The following PXDN variants were observed in gnomAD, a reference collection of about 807,000 sequenced individuals.
PXDN encodes the protein peroxidasin.
Under a neutral mutation model 140.3 loss-of-function variants are expected in PXDN, and 77 were observed. That is an observed-to-expected ratio of 0.55 (90% CI 0.46 to 0.66). PXDN has a LOEUF of 0.66. PXDN is among the 30% of genes least tolerant of loss of function. The pLI is 0.00. For missense variants in PXDN, 1,838 were observed against 2,039.5 expected (o/e 0.90, Z 1.90); for synonymous variants, 911 against 857.4 (o/e 1.06, Z -1.09).
At chr2:1,744,685 C>T, upstream of PXDN, 1 of 338,014 alleles carries the variant, frequency 3.0e-6, no homozygotes, top group East Asian at 5.1e-5. Context: ...TGGGGCGGCC[C>T]GCATGGCCAA....
chr2:1,681,411 G>A (rs1050591826), intron 6 of PXDN, among the ~76,000 whole-genome samples: 3 of 151,712 alleles, frequency 2.0e-5, no homozygotes, highest in Non-Finnish European at 2.9e-5. Context: ...CCCATCTTTC[G>A]CTGAACTAGG....
chr2:1,738,535 G>A lies in PXDN; in HGVS notation c.200+5721C>T, dbSNP rs139461490. On this transcript the variant is annotated intron_variant, in intron 1 of 22. Transcript: ENST00000252804. The stretch of plus-strand genomic sequence containing the variant: ...ATAAGCCAATGGGAATCAGCATAAT[G>A]CAAGTTGATCTTCAAACTTTTTTTT... Among the ~76,000 whole-genome samples the A allele has an allele frequency of 6.6e-3, 978 of 147,948 alleles. 8 individuals are homozygous for A. Among genetic ancestry groups the A allele is most frequent in the African/African-American group, 0.023 (929 of 40,294 alleles).
intron 1 of PXDN, among the ~76,000 whole-genome samples, chr2:1,707,656 C>T (rs1006013544): frequency 1.3e-5 from 2 of 152,114 alleles, no homozygotes; most frequent in Admixed American, 6.6e-5. Flanking sequence ...CTGTCAAAGA[C>T]GCAATAACTA....
At chr2:1,676,319 T>A (rs1432957489) in intron 8 of PXDN, 1 of 153,444 alleles carries the variant, frequency 6.5e-6, no homozygotes, top group East Asian at 1.9e-4. Context: ...TGGTCAGCGG[T>A]AGGACTTCCC....
At chr2:1,737,447 A>G (rs1451752702) in intron 1 of PXDN, among the ~76,000 whole-genome samples, 4 of 152,200 alleles carry the variant, frequency 2.6e-5, no homozygotes, top group Non-Finnish European at 5.9e-5. Flanking sequence ...TTGCATGAGT[A>G]ATCATTCCAC....
rs1683279564 is a variant in PXDN, at chr2:1,660,552, G to C, written c.1837+329C>G. Among the ~76,000 whole-genome samples, 1 of 152,220 alleles carries C rather than the reference G, an allele frequency of 6.6e-6. No individual in the cohort carries two copies. The highest frequency in any genetic ancestry group is 1.5e-5 in the Non-Finnish European group (1 of 68,040). On this transcript the variant is annotated intron_variant, in intron 14 of 22. Transcript: ENST00000252804. This position sits in a 1 kb window ranked among gnomAD's most constrained non-coding sequence, Gnocchi z 4.6. Reference sequence around the variant, plus strand: ...AAATTGTAACTGTAAATTACACCTGGTCATTTCTGGACAGATGTGGATGAC... The same window carrying C: ...AAATTGTAACTGTAAATTACACCTGCTCATTTCTGGACAGATGTGGATGAC...
At position 1,676,693 on chromosome 2, in the gene PXDN, C is replaced by A; in HGVS notation, c.848+234G>T. On this transcript the variant is annotated intron_variant, in intron 8 of 22. Transcript: ENST00000252804. ...AGTGACGCGTTGCCCAGCCAGGGCACCCCTGTGCTGCCCAGGAGAGAGTGG... is the reference window on the plus strand; with the variant it reads ...AGTGACGCGTTGCCCAGCCAGGGCAACCCTGTGCTGCCCAGGAGAGAGTGG... 3.5e-6 allele frequency: 2 copies of A among 569,098 alleles called. 1 individual carries two copies. The highest frequency in any genetic ancestry group is 4.3e-5 in the South Asian group (2 of 45,980). 35.3% of individuals were successfully genotyped at this position (569,098 alleles called of 1,614,324 possible).
At position 1,685,143 on chromosome 2, in the gene PXDN, G is replaced by A. The variant is rs549339943; in HGVS notation, c.417-992C>T. Among the ~76,000 whole-genome samples, 132 of 152,320 alleles carry A rather than the reference G, an allele frequency of 8.7e-4. 1 individual carries two copies. Among genetic ancestry groups the A allele is most frequent in the East Asian group, 3.3e-3 (17 of 5,174 alleles). ...CGGCTGCCAGGGCCCGCCCCGTCCC[G>A]GGGCCAGCTCCCCAGGCAGCACCCA... On this transcript the variant is annotated intron_variant, in intron 4 of 22. Coordinates refer to ENST00000252804, the MANE Select transcript of PXDN (RefSeq NM_012293.3). This position sits in a 1 kb window ranked among gnomAD's most constrained non-coding sequence, Gnocchi z 5.1.
chr2:1,666,098 G>A (rs1683428073), intron 10 of PXDN, 116 bp downstream of exon 10: 4 of 1,373,342 alleles, frequency 2.9e-6, no homozygotes. Flanking sequence ...AATCAACCGA[G>A]TGAAGTGGAC....
intron 1 of PXDN, among the ~76,000 whole-genome samples, chr2:1,704,736 T>G (rs181223199): frequency 6.6e-6 from 1 of 151,958 alleles, no homozygotes; most frequent in East Asian, 2.0e-4. Flanking sequence ...TGCACTGTCT[T>G]GAGTTTCTGA....
Position 1,633,183 on chromosome 2 carries a change from T to TG in PXDN, c.*1020_*1021insC, listed in dbSNP as rs1367482387. 1 of 151,142 alleles carries TG rather than the reference T, an allele frequency of 6.6e-6. No homozygotes were observed. The highest frequency in any genetic ancestry group is 1.5e-5 in the Non-Finnish European group (1 of 67,778). 9.4% of individuals were successfully genotyped at this position (151,142 alleles called of 1,614,324 possible). Reference sequence around the variant, plus strand: ...TAGGGATTCTTTTTTTTTTTTTTTTTTAACGCACTCACACAACCTGAAGTT... The same window carrying TG: ...TAGGGATTCTTTTTTTTTTTTTTTTTGTAACGCACTCACACAACCTGAAGTT... On this transcript the variant is annotated 3_prime_UTR_variant, in exon 23 of 23. Transcript: ENST00000252804.
At chr2:1,725,449 C>T (rs917871667) in intron 1 of PXDN, among the ~76,000 whole-genome samples, 7 of 151,768 alleles carry the variant, frequency 4.6e-5, no homozygotes, top group Non-Finnish European at 7.4e-5. Flanking sequence ...AAGACTTAAA[C>T]GTTAGACCTA....
chr2:1,742,181 G>T (rs767516316), intron 1 of PXDN, among the ~76,000 whole-genome samples: 2 of 152,178 alleles, frequency 1.3e-5, no homozygotes, highest in African/African-American at 2.4e-5. Flanking sequence ...CAGGAGCTGC[G>T]CTTCTCTCCC....
At position 1,683,746 on chromosome 2, in the gene PXDN, TAACA is replaced by T. The variant is rs1558507430; in HGVS notation, c.489-23_489-20del. On this transcript the variant is annotated intron_variant, in intron 5 of 22. Transcript: ENST00000252804. ...CAAAAATCTGTTGAAAGAGATTTTATAACAAACCAATTTTGAAAAATATTTCTTA... is the reference window on the plus strand; with the variant it reads ...CAAAAATCTGTTGAAAGAGATTTTATAACCAATTTTGAAAAATATTTCTTA... 1 of 1,565,780 alleles carries T rather than the reference TAACA, an allele frequency of 6.4e-7. No individual in the cohort carries two copies.
intron 1 of PXDN, among the ~76,000 whole-genome samples, chr2:1,715,814 C>T (rs954313038): frequency 6.6e-6 from 1 of 152,234 alleles, no homozygotes; most frequent in Non-Finnish European, 1.5e-5. Flanking sequence ...ATCTTCCATA[C>T]TCAGGGTTAA....
At chr2:1,706,241 G>T (rs1186975181) in intron 1 of PXDN, among the ~76,000 whole-genome samples, 1 of 152,154 alleles carries the variant, frequency 6.6e-6, no homozygotes, top group Non-Finnish European at 1.5e-5. Flanking sequence ...TATCTGGGAG[G>T]GTGGGGCTTC....
chr2:1,700,544 G>A (rs562162457), intron 1 of PXDN, among the ~76,000 whole-genome samples: 38 of 152,180 alleles, frequency 2.5e-4, no homozygotes, highest in African/African-American at 7.0e-4. Context: ...AGTAAATCAC[G>A]GCGATGATGT....
At chr2:1,661,902 A>G (rs1421302997) in intron 13 of PXDN, among the ~76,000 whole-genome samples, 170 bp downstream of exon 13, 1 of 152,210 alleles carries the variant, frequency 6.6e-6, no homozygotes, top group Non-Finnish European at 1.5e-5. Flanking sequence ...GAAAGTCTAT[A>G]GAGGAAGTGG....
At chr2:1,665,857 C>G (rs982245895) in intron 10 of PXDN, among the ~76,000 whole-genome samples, 1 of 152,204 alleles carries the variant, frequency 6.6e-6, no homozygotes, top group Non-Finnish European at 1.5e-5. Flanking sequence ...GGATTCAAAG[C>G]TGTCTGCAAG....
Sources: gnomAD v4.1 joint callset for allele counts (sites outside exome capture counted in the v4.1 genomes callset) on GRCh38, gnomAD v4.1.1 for gene constraint, Gnocchi (gnomAD v3.1) non-coding constraint, MANE v1.5 for transcripts, NCBI Gene and HGNC (gene_info 2026-07-23, HGNC 2026-07-21) for gene names.